The following TLR7 variants were observed in gnomAD, a reference collection of about 807,000 sequenced individuals.
TLR7 encodes the protein toll-like receptor 7.
A neutral mutation model predicts 38.3 loss-of-function variants in TLR7; 12 were observed. That is an observed-to-expected ratio of 0.31 (90% CI 0.20 to 0.51). TLR7 has a LOEUF of 0.51. Among genes scored for constraint, TLR7 ranks in the 20% least tolerant of loss-of-function variants. TLR7 has a pLI of 0.98. For synonymous variants in TLR7, 285 were observed against 293.8 expected, an observed-to-expected ratio of 0.97 and a Z score of 0.31; for missense variants, 504 against 743.4, an observed-to-expected ratio of 0.68 and a Z score of 3.74.
chrX:12,886,578 G>A lies in TLR7; in HGVS notation c.1070G>A (p.Arg357His), dbSNP rs781601963. ...LSFNFELQVY[R>H]ASMNLSQAFS... ...TTCAATTTTGAACTTCAGGTCTATCGTGCATCTATGAATCTATCACAAGCA... is the reference window on the plus strand; with the variant it reads ...TTCAATTTTGAACTTCAGGTCTATCATGCATCTATGAATCTATCACAAGCA... Residue 357 changes from arginine to histidine, a missense_variant, in exon 3 of 3, where the codon CGT (arginine) becomes CAT (histidine). Transcript: ENST00000380659. 5.8e-6 allele frequency: 7 copies of A among 1,210,210 alleles called. No homozygotes were observed. In the African/African-American group the frequency reaches 7.0e-5, roughly 12 times the overall value.
intron 2 of TLR7, among the ~76,000 whole-genome samples, chrX:12,875,749 T>C (rs1009296260): frequency 8.9e-6 from 1 of 111,989 alleles, no homozygotes; most frequent in Non-Finnish European, 1.9e-5. Flanking sequence ...TCCACCATGA[T>C]TGTGAGGCCT....
rs187685386 is a variant in TLR7, at chrX:12,887,428, C to T, written c.1920C>T (p.Asn640=). ...HLDVLWREGD[N]RYLQLFKNLL... is the part of the protein sequence containing the mutation. Reference sequence around the variant, plus strand: ...ATGTTTTATGGAGAGAAGGTGATAACAGATACTTACAATTATTCAAGAATC... The same window carrying T: ...ATGTTTTATGGAGAGAAGGTGATAATAGATACTTACAATTATTCAAGAATC... The change falls in exon 3 of 3, where the codon AAC becomes AAT. Residue 640 remains asparagine (N), a synonymous_variant. Coordinates refer to ENST00000380659, the MANE Select transcript of TLR7 (RefSeq NM_016562.4). 1 of 1,209,508 alleles carries T rather than the reference C, an allele frequency of 8.3e-7. No homozygotes were observed. The highest frequency in any genetic ancestry group is 1.8e-5 in the South Asian group (1 of 56,632).
At chrX:12,869,321 C>T (rs991063254) in intron 2 of TLR7, among the ~76,000 whole-genome samples, 6 of 111,838 alleles carry the variant, frequency 5.4e-5, no homozygotes, top group South Asian at 3.7e-4. Flanking sequence ...CTAGAGATTA[C>T]ACTTTTAGAA....
At chrX:12,871,381 C>T (rs984464731) in intron 2 of TLR7, among the ~76,000 whole-genome samples, 2 of 112,280 alleles carry the variant, frequency 1.8e-5, no homozygotes, top group African/African-American at 6.5e-5. Context: ...ATACACAACA[C>T]ATCTCTAGTT....
At position 12,888,673 on chromosome X, in the gene TLR7, A is replaced by G; in HGVS notation, c.*15A>G. ...AAACGGTCTAGCCCTTCTTTGCAAA[A>G]CACAACTGCCTAGTTTACCAAGGAG... On this transcript the variant is annotated 3_prime_UTR_variant, in exon 3 of 3. Coordinates refer to ENST00000380659, the MANE Select transcript of TLR7 (RefSeq NM_016562.4). 1 of 1,174,087 alleles carries G rather than the reference A, an allele frequency of 8.5e-7. No homozygotes were observed. The highest frequency in any genetic ancestry group is 1.1e-6 in the Non-Finnish European group (1 of 877,245).
In TLR7 at chrX:12,870,659, GTTTT is replaced by G. The variant is rs757601961; in HGVS notation, c.3+3084_3+3087del. On this transcript the variant is annotated intron_variant, in intron 2 of 2. Coordinates refer to ENST00000380659, the MANE Select transcript of TLR7 (RefSeq NM_016562.4). ...TGCTGTACAGCTCATGAGCTAAGGG[GTTTT>G]TTTTTAATTGTTGTTTTTAAAAGAC... Among the ~76,000 whole-genome samples the G allele has an allele frequency of 8.1e-5, 9 of 110,613 alleles. 1 individual carries two copies. In the South Asian group the frequency reaches 3.4e-3, roughly 42 times the overall value.
At chrX:12,877,711 A>G (rs946340759) in intron 2 of TLR7, 32 of 110,534 alleles carry the variant, frequency 2.9e-4, no homozygotes, top group African/African-American at 9.6e-4. Context: ...AAAAAGGATT[A>G]TGAAAGAGTC....
intron 2 of TLR7, among the ~76,000 whole-genome samples, chrX:12,879,106 C>A (rs2042882895): frequency 8.9e-6 from 1 of 111,872 alleles, no homozygotes; most frequent in Non-Finnish European, 1.9e-5. Flanking sequence ...TGTAAGACTG[C>A]TAAAAACAGT....
intron 2 of TLR7, among the ~76,000 whole-genome samples, chrX:12,874,791 G>A (rs951149644): frequency 8.9e-6 from 1 of 111,755 alleles, no homozygotes; most frequent in Non-Finnish European, 1.9e-5. Flanking sequence ...CTTGTCACAA[G>A]ACACAAACCA....
Position 12,867,695 on chromosome X carries a change from G to T in TLR7, c.3+114G>T, listed in dbSNP as rs1418320270. ...ATCTGTACTTAGGTTATTTGCTGGG[G>T]GAAAGTGCTTCCTGATATTTCACAA... On this transcript the variant is annotated intron_variant, in intron 2 of 2. Transcript: ENST00000380659. The T allele has an allele frequency of 6.9e-6, 5 of 728,009 alleles. No homozygotes were observed. The Admixed American group carries it at 1.4e-4, about 20-fold the overall frequency. 60.0% of individuals were successfully genotyped at this position (728,009 alleles called of 1,213,427 possible).
At chrX:12,874,623 GT>G (rs1364321693) in intron 2 of TLR7, among the ~76,000 whole-genome samples, 1 of 111,921 alleles carries the variant, frequency 8.9e-6, no homozygotes, top group Non-Finnish European at 1.9e-5. Flanking sequence ...AAACTCCAGA[GT>G]TTGTTGATGA....
At position 12,887,284 on chromosome X, in the gene TLR7, C is replaced by G; in HGVS notation, c.1776C>G (p.Thr592=). The G allele has an allele frequency of 8.3e-7, 1 of 1,210,634 alleles. No homozygotes were observed. The highest frequency in any genetic ancestry group is 1.1e-6 in the Non-Finnish European group (1 of 894,664). Residue 592 remains threonine, a synonymous_variant, in exon 3 of 3, where the codon ACC becomes ACG. Coordinates refer to ENST00000380659, the MANE Select transcript of TLR7 (RefSeq NM_016562.4). ...GAATTACTCATATGCTAAACTTTAC[C>G]AAGAACCTAAAGGTTCTGCAGAAAC... ...SEGITHMLNF[T]KNLKVLQKLM... is the part of the protein sequence containing the mutation.
chrX:12,867,698 A>C (rs1295212038), intron 2 of TLR7, 117 bp downstream of exon 2: 3 of 713,324 alleles, frequency 4.2e-6, no homozygotes, highest in Non-Finnish European at 6.4e-6. Context: ...TGCTGGGGGA[A>C]AGTGCTTCCT....
At chrX:12,869,388 C>T (rs1242224978) in intron 2 of TLR7, among the ~76,000 whole-genome samples, 1 of 111,227 alleles carries the variant, frequency 9.0e-6, no homozygotes, top group African/African-American at 3.3e-5. Context: ...ACATATACAC[C>T]ATGGAATACT....
At chrX:12,878,599 C>A (rs2042881011) in intron 2 of TLR7, among the ~76,000 whole-genome samples, 1 of 111,923 alleles carries the variant, frequency 8.9e-6, no homozygotes, top group Non-Finnish European at 1.9e-5. Flanking sequence ...TTTTTGAGCT[C>A]TTGAAATATA....
intron 2 of TLR7, among the ~76,000 whole-genome samples, chrX:12,868,054 G>A (rs899961128): frequency 1.8e-5 from 2 of 112,411 alleles, no homozygotes; most frequent in African/African-American, 6.5e-5. Flanking sequence ...TTGGACAGTA[G>A]ATAAAGATAC....
intron 2 of TLR7, among the ~76,000 whole-genome samples, chrX:12,873,266 A>AC (rs772076450): frequency 1.8e-5 from 2 of 112,057 alleles, no homozygotes; most frequent in South Asian, 7.4e-4. Flanking sequence ...ATTTATCGTC[A>AC]CAATCCTACC....
Position 12,889,979 on chromosome X carries a change from A to G in TLR7, c.*1321A>G, listed in dbSNP as rs199936370. 8.9e-6 allele frequency: 1 copy of G among 112,854 alleles called. No individual in the cohort carries two copies. The highest frequency in any genetic ancestry group is 9.4e-5 in the Admixed American group (1 of 10,675). The allele number at this position is 112,854 out of a possible 1,213,427, so 9.3% of individuals were successfully genotyped here. The stretch of plus-strand genomic sequence containing the variant: ...GAAACCAAAGTTTATAGACCTTCAC[A>G]TTGAGAAAGCTTCAGTTTTGAACTT... On this transcript the variant is annotated 3_prime_UTR_variant, in exon 3 of 3. Coordinates refer to ENST00000380659, the MANE Select transcript of TLR7 (RefSeq NM_016562.4).
chrX:12,883,025 T>C (rs1248522449), intron 2 of TLR7, among the ~76,000 whole-genome samples: 2 of 111,818 alleles, frequency 1.8e-5, no homozygotes, highest in African/African-American at 6.5e-5. Flanking sequence ...ATGAACCCAT[T>C]ATGTCTTTGG....
Sources: allele counts gnomAD v4.1 joint callset (sites outside exome capture counted in the v4.1 genomes callset), GRCh38; gene constraint gnomAD v4.1.1; transcripts MANE v1.5; gene names NCBI Gene and HGNC (gene_info 2026-07-23, HGNC 2026-07-21).